Variants in AKT3 observed in about 807,000 individuals in gnomAD.
AKT3 encodes AKT serine/threonine kinase 3.
AKT3 carries 15 observed loss-of-function variants against 65.3 expected under a neutral mutation model. The ratio of observed to expected loss-of-function variants is 0.23; its 90% confidence interval spans 0.15 to 0.35. AKT3 has a LOEUF of 0.35. Among genes scored for constraint, AKT3 ranks in the 10% least tolerant of loss-of-function variants. The pLI, the probability that AKT3 is intolerant of heterozygous loss-of-function variation, is 1.00. For synonymous variants in AKT3, 206 were observed against 183.8 expected, an observed-to-expected ratio of 1.12 and a Z score of -0.98; for missense variants, 243 against 576.5, an observed-to-expected ratio of 0.42 and a Z score of 5.92.
At chr1:243,508,521 C>T (rs564331002) in intron 13 of AKT3, among the ~76,000 whole-genome samples, 20 of 152,274 alleles carry the variant, frequency 1.3e-4, no homozygotes, top group South Asian at 1.0e-3. Flanking sequence ...AAGTCCATAG[C>T]GCCCTCCCCA....
At chr1:243,795,463 T>TG (rs1282477112) in intron 2 of AKT3, among the ~76,000 whole-genome samples, 2,055 of 78,618 alleles carry the variant, frequency 0.026, 55 homozygotes, top group Middle Eastern at 0.042. Flanking sequence ...TTTTTTTTTG[T>TG]TTTTTTTTTT....
intron 12 of AKT3, among the ~76,000 whole-genome samples, chr1:243,513,545 T>C (rs1670152419): frequency 6.6e-6 from 1 of 152,224 alleles, no homozygotes; most frequent in South Asian, 2.1e-4. Context: ...AATTATTCTC[T>C]AGACAGAACT....
chr1:243,605,446 T>A (rs1677328690), intron 8 of AKT3, among the ~76,000 whole-genome samples: 2 of 152,196 alleles, frequency 1.3e-5, no homozygotes, highest in African/African-American at 4.8e-5. Context: ...GCATGGAAAG[T>A]AGGAAGTAAC....
chr1:243,786,610 C>A (rs1691277478), intron 2 of AKT3, among the ~76,000 whole-genome samples: 1 of 151,482 alleles, frequency 6.6e-6, no homozygotes, highest in South Asian at 2.1e-4. Context: ...GCTCTGAATC[C>A]AACAAATAAG....
chr1:243,651,435 A>T (rs1681315671), intron 4 of AKT3, among the ~76,000 whole-genome samples: 1 of 152,146 alleles, frequency 6.6e-6, no homozygotes, highest in African/African-American at 2.4e-5. Flanking sequence ...ACTATGTTGA[A>T]TAGGAGTGGT....
chr1:243,803,351 C>T (rs372057390), intron 2 of AKT3, among the ~76,000 whole-genome samples: 2 of 151,920 alleles, frequency 1.3e-5, no homozygotes, highest in East Asian at 3.9e-4. Flanking sequence ...GTTGGTGGGG[C>T]AAGTGGGGGA....
At chr1:243,714,351 A>AT (rs1322235985) in intron 2 of AKT3, among the ~76,000 whole-genome samples, 1 of 152,196 alleles carries the variant, frequency 6.6e-6, no homozygotes, top group Non-Finnish European at 1.5e-5. Flanking sequence ...TTGTACAGAT[A>AT]TTTTTTCTTT....
chr1:243,552,697 C>T (rs780005980), intron 11 of AKT3, 32 bp downstream of exon 11: 2 of 1,568,326 alleles, frequency 1.3e-6, no homozygotes, highest in Non-Finnish European at 8.8e-7. Context: ...CCACATTCAT[C>T]AGTAATTCAC....
chr1:243,585,689 G>A (rs144333364), intron 8 of AKT3, among the ~76,000 whole-genome samples: 1 of 152,234 alleles, frequency 6.6e-6, no homozygotes, highest in Non-Finnish European at 1.5e-5. Flanking sequence ...TGAGCCATAC[G>A]CAGAGGAATG....
At chr1:243,827,273 A>G (rs1171641825) in intron 2 of AKT3, among the ~76,000 whole-genome samples, 1 of 152,188 alleles carries the variant, frequency 6.6e-6, no homozygotes, top group East Asian at 1.9e-4. Flanking sequence ...CCATACACAC[A>G]GGACCACATA....
intron 2 of AKT3, among the ~76,000 whole-genome samples, chr1:243,710,073 T>C (rs1686049693): frequency 6.6e-6 from 1 of 152,134 alleles, no homozygotes; most frequent in South Asian, 2.1e-4. Flanking sequence ...AAATACTCTG[T>C]TTTCAACATA....
At chr1:243,842,241 A>G (rs1388824668) in intron 2 of AKT3, among the ~76,000 whole-genome samples, 1 of 152,176 alleles carries the variant, frequency 6.6e-6, no homozygotes, top group African/African-American at 2.4e-5. Context: ...GGTATTTACT[A>G]CAGACCTTCA....
At chr1:243,831,970 T>C (rs1694545391) in intron 2 of AKT3, among the ~76,000 whole-genome samples, 1 of 151,758 alleles carries the variant, frequency 6.6e-6, no homozygotes. Context: ...TTTTGAAATC[T>C]GTCAGATGAA....
intron 2 of AKT3, chr1:243,702,712 A>G (rs1008130689): frequency 6.6e-6 from 1 of 152,192 alleles, no homozygotes; most frequent in African/African-American, 2.4e-5. Flanking sequence ...TGTCAGGTAT[A>G]TAAAACATGT....
intron 2 of AKT3, among the ~76,000 whole-genome samples, chr1:243,774,733 A>G (rs577819358): frequency 1.3e-5 from 2 of 152,344 alleles, no homozygotes; most frequent in East Asian, 3.9e-4. Context: ...ATCCTAGTAC[A>G]TACAGATGGC....
intron 2 of AKT3, among the ~76,000 whole-genome samples, chr1:243,720,830 T>C (rs948491218): frequency 6.6e-6 from 1 of 152,198 alleles, no homozygotes; most frequent in Non-Finnish European, 1.5e-5. Flanking sequence ...GCTCACGGTA[T>C]ATACTCTTGA....
intron 6 of AKT3, among the ~76,000 whole-genome samples, chr1:243,636,197 T>C (rs530343600): frequency 2.0e-5 from 3 of 152,216 alleles, no homozygotes; most frequent in Admixed American, 1.3e-4. Context: ...GTAGTAATAA[T>C]AGTAATAATA....
At chr1:243,571,895 C>A (rs1674589958) in intron 9 of AKT3, among the ~76,000 whole-genome samples, 1 of 152,164 alleles carries the variant, frequency 6.6e-6, no homozygotes, top group African/African-American at 2.4e-5. Flanking sequence ...TAGTTCAGTT[C>A]TTCCTACATA....
At position 243,526,313 on chromosome 1, in the gene AKT3, C is replaced by T. The variant is rs2148399608; in HGVS notation, c.1252-13887G>A. On this transcript the variant is annotated intron_variant, in intron 12 of 13. Transcript: ENST00000673466. ...TGCTGGTGTGGATATCCTGCAAAAG[C>T]TGGGACTTTCATCATGGAGCTAAAC... is the stretch of plus-strand genomic sequence containing the variant. Among the ~76,000 whole-genome samples, 2 of 152,218 alleles carry T rather than the reference C, an allele frequency of 1.3e-5. 1 individual carries two copies. The highest frequency in any genetic ancestry group is 6.8e-3 in the Middle Eastern group (2 of 294).
Sources: allele counts gnomAD v4.1 joint callset (sites outside exome capture counted in the v4.1 genomes callset), GRCh38; gene constraint gnomAD v4.1.1; transcripts MANE v1.5; gene names NCBI Gene and HGNC (gene_info 2026-07-23, HGNC 2026-07-21).